The following RANBP2 variants were observed in gnomAD, a reference collection of about 807,000 sequenced individuals.
The protein encoded by RANBP2 is RAN binding protein 2.
In RANBP2, 57 loss-of-function variants were observed where a neutral mutation model predicts 303.6. The ratio of observed to expected loss-of-function variants is 0.19; its 90% confidence interval spans 0.15 to 0.23. The LOEUF is 0.23. Ranked by LOEUF, RANBP2 falls within the 10% of genes least tolerant of loss-of-function variation. The pLI, the probability that RANBP2 is intolerant of heterozygous loss-of-function variation, is 1.00. For synonymous variants in RANBP2, 1,167 were observed against 1,301.5 expected (o/e 0.90, Z 2.23); for missense variants, 3,138 against 3,780.8 (o/e 0.83, Z 4.46).
chr2:109,307,155 C>T, the RANBP2 span, among the ~76,000 whole-genome samples: 4 of 152,186 alleles, frequency 2.6e-5, no homozygotes. Flanking sequence ...TTGTACTCTT[C>T]ATGAGGGAAC....
At chr2:109,582,737 A>G in the RANBP2 span, among the ~76,000 whole-genome samples, 1 of 152,248 alleles carries the variant, frequency 6.6e-6, no homozygotes, top group Non-Finnish European at 1.5e-5. Flanking sequence ...ACTAAGCAAA[A>G]GAACAAAGCC....
At chr2:109,595,624 T>C in the RANBP2 span, among the ~76,000 whole-genome samples, 1 of 152,152 alleles carries the variant, frequency 6.6e-6, no homozygotes, top group East Asian at 1.9e-4. Flanking sequence ...GAAAGAGGTA[T>C]AAATCTAGAT....
At chr2:109,000,420 G>T in the RANBP2 span, among the ~76,000 whole-genome samples, 2 of 152,152 alleles carry the variant, frequency 1.3e-5, no homozygotes, top group Non-Finnish European at 2.9e-5. Flanking sequence ...CCAGCTATCG[G>T]GAGGCTGAGG....
At chr2:109,342,583 T>TG in the RANBP2 span, among the ~76,000 whole-genome samples, 112 of 152,286 alleles carry the variant, frequency 7.4e-4, 2 homozygotes, top group Non-Finnish European at 1.2e-3. Context: ...CCCAGCTTGC[T>TG]GGGAGGTCTG....
chr2:109,035,421 A>G, the RANBP2 span, among the ~76,000 whole-genome samples: 1 of 152,112 alleles, frequency 6.6e-6, no homozygotes. Flanking sequence ...GAAGAAAAAA[A>G]GCCTAGGGAC....
At chr2:109,131,176 C>T in the RANBP2 span, among the ~76,000 whole-genome samples, 1 of 152,142 alleles carries the variant, frequency 6.6e-6, no homozygotes, top group Admixed American at 6.5e-5. Context: ...TACTGCAAAT[C>T]TCTAAGGTTA....
chr2:109,057,914 T>C, the RANBP2 span, among the ~76,000 whole-genome samples: 2 of 152,164 alleles, frequency 1.3e-5, no homozygotes, highest in Non-Finnish European at 2.9e-5. Flanking sequence ...AGGAGGGAGA[T>C]GATAACGATC....
chr2:109,595,691 T>C, the RANBP2 span, among the ~76,000 whole-genome samples: 2 of 152,124 alleles, frequency 1.3e-5, no homozygotes, highest in Non-Finnish European at 2.9e-5. Flanking sequence ...ATTTCGTACT[T>C]GGAGAAAGTA....
the RANBP2 span, among the ~76,000 whole-genome samples, chr2:109,433,767 A>G: frequency 6.6e-6 from 1 of 152,228 alleles, no homozygotes; most frequent in East Asian, 1.9e-4. Context: ...GGAGTTGCCC[A>G]AAGCCTGAAA....
At chr2:109,146,581 A>G in the RANBP2 span, among the ~76,000 whole-genome samples, 72 of 152,172 alleles carry the variant, frequency 4.7e-4, 1 homozygote, top group African/African-American at 1.6e-3. Context: ...CGCTCTCCCC[A>G]GCACCACCTT....
At chr2:109,313,374 G>A in the RANBP2 span, among the ~76,000 whole-genome samples, 1 of 152,226 alleles carries the variant, frequency 6.6e-6, no homozygotes, top group Admixed American at 6.5e-5. Flanking sequence ...GCACAGCCCG[G>A]GATGAGACTG....
chr2:109,282,169 C>G, the RANBP2 span, among the ~76,000 whole-genome samples: 1 of 152,048 alleles, frequency 6.6e-6, no homozygotes, highest in Non-Finnish European at 1.5e-5. Flanking sequence ...TGGATAGCAG[C>G]TATTTTTCTT....
chr2:108,933,399 A>G, the RANBP2 span, among the ~76,000 whole-genome samples: 7 of 152,166 alleles, frequency 4.6e-5, no homozygotes, highest in Non-Finnish European at 5.9e-5. Context: ...TGCTCTAAGA[A>G]TAGGTGGGAG....
At chr2:109,512,874 C>T in the RANBP2 span, among the ~76,000 whole-genome samples, 1 of 152,244 alleles carries the variant, frequency 6.6e-6, no homozygotes, top group East Asian at 1.9e-4. Flanking sequence ...TGCTATTCAC[C>T]TCCAGTTCTT....
At chr2:109,082,804 C>T in the RANBP2 span, among the ~76,000 whole-genome samples, 3,970 of 150,082 alleles carry the variant, frequency 0.026, 198 homozygotes, top group African/African-American at 0.09. Flanking sequence ...CCAGCCTGGA[C>T]GACATATCAA....
intron 25 of RANBP2, among the ~76,000 whole-genome samples, chr2:108,778,634 T>C (rs1678039356): frequency 6.6e-6 from 1 of 152,222 alleles, no homozygotes; most frequent in Non-Finnish European, 1.5e-5. Flanking sequence ...AGAGAACCAC[T>C]ATTTTGAAAT....
the RANBP2 span, among the ~76,000 whole-genome samples, chr2:109,306,286 G>A: frequency 7.7e-4 from 118 of 152,344 alleles, no homozygotes; most frequent in African/African-American, 2.7e-3. Context: ...GGGGTGCCAC[G>A]TGTGTGTTTG....
chr2:108,986,510 A>G, the RANBP2 span, among the ~76,000 whole-genome samples: 8 of 152,144 alleles, frequency 5.3e-5, no homozygotes, highest in African/African-American at 1.9e-4. Flanking sequence ...CAGCCCCTCC[A>G]ATTATGAGTG....
At chr2:109,528,940 G>A in the RANBP2 span, among the ~76,000 whole-genome samples, 9 of 152,286 alleles carry the variant, frequency 5.9e-5, no homozygotes, top group Middle Eastern at 3.4e-3. Context: ...GCTGATGACC[G>A]CTGCAGCCTG....
Sources: gnomAD v4.1 joint callset for allele counts (sites outside exome capture counted in the v4.1 genomes callset) on GRCh38, gnomAD v4.1.1 for gene constraint, MANE v1.5 for transcripts, NCBI Gene and HGNC (gene_info 2026-07-23, HGNC 2026-07-21) for gene names.